Variants in CACNA2D3 observed in about 807,000 individuals in gnomAD.
The protein encoded by CACNA2D3 is calcium voltage-gated channel auxiliary subunit alpha2delta 3.
Under a neutral mutation model 160.6 loss-of-function variants are expected in CACNA2D3, and 60 were observed. That is an observed-to-expected ratio of 0.37 (90% confidence interval 0.30 to 0.46). The LOEUF (loss-of-function observed/expected upper bound fraction) is 0.46. Ranked by LOEUF, CACNA2D3 falls within the 20% of genes least tolerant of loss-of-function variation. The pLI is 1.00. For synonymous variants in CACNA2D3, 558 were observed against 492.9 expected (o/e 1.13, Z -1.75); for missense variants, 1,205 against 1,365.0 (o/e 0.88, Z 1.85).
chr3:54,555,359 G>C (rs1446553726), intron 5 of CACNA2D3, among the ~76,000 whole-genome samples: 2 of 152,136 alleles, frequency 1.3e-5, no homozygotes, highest in African/African-American at 4.8e-5. Context: ...AGTCATAAGA[G>C]GGAGTACCTT....
intron 11 of CACNA2D3, among the ~76,000 whole-genome samples, chr3:54,709,146 A>T (rs1341697332): frequency 6.6e-6 from 1 of 151,316 alleles, no homozygotes; most frequent in Non-Finnish European, 1.5e-5. Context: ...ACTGACTGGG[A>T]CTACAGGTGC....
chr3:55,003,642 A>C (rs1304270299), intron 31 of CACNA2D3, among the ~76,000 whole-genome samples: 1 of 152,078 alleles, frequency 6.6e-6, no homozygotes, highest in Non-Finnish European at 1.5e-5. Flanking sequence ...TTTGAGGGGG[A>C]AACGAGTGGG....
chr3:54,443,345 G>C (rs1164368406), intron 4 of CACNA2D3, among the ~76,000 whole-genome samples: 7 of 151,828 alleles, frequency 4.6e-5, no homozygotes, highest in Non-Finnish European at 1.0e-4. Flanking sequence ...TGTGTGGTGG[G>C]TGGGCGGGCA....
intron 27 of CACNA2D3, among the ~76,000 whole-genome samples, chr3:54,908,188 T>C (rs1700485906): frequency 6.6e-6 from 1 of 152,228 alleles, no homozygotes; most frequent in Non-Finnish European, 1.5e-5. Context: ...ATATGAACAT[T>C]CCAATTTTTC....
Position 54,646,794 on chromosome 3 carries a change from A to G in CACNA2D3, c.1167+4553A>G, listed in dbSNP as rs775316707. 6.6e-5 allele frequency among the ~76,000 whole-genome samples: 10 copies of G among 152,288 alleles called. No individual in the cohort carries two copies. The Middle Eastern group carries it at 0.01, about 155-fold the overall frequency. Reference sequence around the variant, plus strand: ...ACCCAGTAATGGGATTGCTGGGTCAAATGGTATTTCTGCCTCTCTAGCTCC... The same window carrying G: ...ACCCAGTAATGGGATTGCTGGGTCAGATGGTATTTCTGCCTCTCTAGCTCC... On this transcript the variant is annotated intron_variant, in intron 11 of 37. Coordinates refer to ENST00000474759, the MANE Select transcript of CACNA2D3 (RefSeq NM_018398.3).
chr3:54,996,034 C>T (rs1347047715), intron 31 of CACNA2D3, among the ~76,000 whole-genome samples: 1 of 152,218 alleles, frequency 6.6e-6, no homozygotes, highest in African/African-American at 2.4e-5. Context: ...CATTCAATAA[C>T]ACCTGTTGGG....
At chr3:54,679,497 A>G (rs1559547276) in intron 11 of CACNA2D3, among the ~76,000 whole-genome samples, 1 of 152,184 alleles carries the variant, frequency 6.6e-6, no homozygotes, top group Non-Finnish European at 1.5e-5. Context: ...CAAGGGGTCC[A>G]CACATGGTCA....
chr3:54,569,110 C>A (rs561001179), intron 6 of CACNA2D3, among the ~76,000 whole-genome samples: 2 of 152,132 alleles, frequency 1.3e-5, no homozygotes, highest in African/African-American at 4.8e-5. Context: ...ATATTTTATT[C>A]TTAAAAACTA....
intron 16 of CACNA2D3, among the ~76,000 whole-genome samples, chr3:54,845,720 C>G (rs1208919032): frequency 5.9e-5 from 9 of 152,180 alleles, no homozygotes; most frequent in African/African-American, 2.2e-4. Context: ...TTCCCATAGT[C>G]CCATTTAGTC....
chr3:54,786,673 T>G (rs778076919), intron 13 of CACNA2D3, among the ~76,000 whole-genome samples: 20 of 152,236 alleles, frequency 1.3e-4, no homozygotes, highest in South Asian at 6.2e-4. Context: ...CTTAAAAAAC[T>G]GTGAATGTAA....
At chr3:54,145,943 G>GTCTTTTTTTCACCTACTTTC (rs1700021662) in intron 2 of CACNA2D3, among the ~76,000 whole-genome samples, 1 of 152,002 alleles carries the variant, frequency 6.6e-6, no homozygotes, top group Admixed American at 6.6e-5. Context: ...TCATCAGTTT[G>GTCTTTTTTTCACCTACTTTC]TCTTTTTTTC....
intron 11 of CACNA2D3, among the ~76,000 whole-genome samples, chr3:54,653,369 T>G (rs73842227): frequency 0.029 from 4,457 of 152,224 alleles, 218 homozygotes; most frequent in African/African-American, 0.1. Flanking sequence ...CCTCTTTCTC[T>G]TTCTTTCTCC....
chr3:54,891,683 C>A (rs762483621), intron 25 of CACNA2D3, among the ~76,000 whole-genome samples: 5 of 152,212 alleles, frequency 3.3e-5, no homozygotes, highest in Admixed American at 6.5e-5. Context: ...CTTCTGTCCA[C>A]TGTCCTGGAG....
intron 9 of CACNA2D3, among the ~76,000 whole-genome samples, chr3:54,599,015 G>A (rs1703014153): frequency 6.6e-6 from 1 of 152,170 alleles, no homozygotes; most frequent in African/African-American, 2.4e-5. Context: ...ACGATAGGAA[G>A]ATATGAAAGA....
Position 54,891,460 on chromosome 3 carries a change from A to G in CACNA2D3, c.2246+10A>G. The G allele has an allele frequency of 6.2e-7, 1 of 1,601,586 alleles. No individual in the cohort carries two copies. Among genetic ancestry groups the G allele is most frequent in the South Asian group, 1.1e-5 (1 of 90,808 alleles). On this transcript the variant is annotated intron_variant, in intron 25 of 37. Coordinates refer to ENST00000474759, the MANE Select transcript of CACNA2D3 (RefSeq NM_018398.3). ...AGCAGCTCACCAATCAGTAAGTAGG[A>G]GGGATCCTCTACAGGGGCCCAGGGA... is the stretch of plus-strand genomic sequence containing the variant.
At chr3:55,048,245 GA>G (rs1389580513) in intron 35 of CACNA2D3, among the ~76,000 whole-genome samples, 1 of 140,214 alleles carries the variant, frequency 7.1e-6, no homozygotes, top group Non-Finnish European at 1.5e-5. Flanking sequence ...GTTTGTCATA[GA>G]TAGCTCTTAT....
intron 2 of CACNA2D3, among the ~76,000 whole-genome samples, chr3:54,188,211 T>C (rs946294056): frequency 2.0e-5 from 3 of 151,564 alleles, no homozygotes. Context: ...GTTATCAATT[T>C]AGAAAGGGAG....
At chr3:54,907,128 AC>A (rs1249122561) in intron 27 of CACNA2D3, among the ~76,000 whole-genome samples, 1 of 152,188 alleles carries the variant, frequency 6.6e-6, no homozygotes, top group African/African-American at 2.4e-5. Flanking sequence ...TTGGGGTGAC[AC>A]ATCCTCTTAC....
At chr3:54,564,852 C>CTT (rs1575348882) in intron 6 of CACNA2D3, among the ~76,000 whole-genome samples, 1 of 152,220 alleles carries the variant, frequency 6.6e-6, no homozygotes, top group African/African-American at 2.4e-5. Flanking sequence ...AAGAAGCACA[C>CTT]TTACTGGCTC....
Sources: gnomAD v4.1 joint callset for allele counts (sites outside exome capture counted in the v4.1 genomes callset) on GRCh38, gnomAD v4.1.1 for gene constraint, MANE v1.5 for transcripts, NCBI Gene and HGNC (gene_info 2026-07-23, HGNC 2026-07-21) for gene names.